The following PTH1R variants were observed in gnomAD, a reference collection of about 807,000 sequenced individuals.
The protein encoded by PTH1R is parathyroid hormone 1 receptor.
A neutral mutation model predicts 70.7 loss-of-function variants in PTH1R; 32 were observed. That is an observed-to-expected ratio of 0.45 (90% CI 0.34 to 0.61). The LOEUF (loss-of-function observed/expected upper bound fraction) is 0.61, where lower values mean the gene tolerates loss of function less well. Among genes scored for constraint, PTH1R ranks in the 20% least tolerant of loss-of-function variants. PTH1R has a pLI of 0.01. For synonymous variants in PTH1R, 329 were observed against 324.8 expected, an observed-to-expected ratio of 1.01 and a Z score of -0.14; for missense variants, 626 against 792.5, an observed-to-expected ratio of 0.79 and a Z score of 2.52.
Position 46,883,731 on chromosome 3 carries a change from A to G in PTH1R, c.75+97A>G, listed in dbSNP as rs898934109. 22 of 1,410,610 alleles carry G rather than the reference A, an allele frequency of 1.6e-5. No homozygotes were observed. Among genetic ancestry groups the G allele is most frequent in the Non-Finnish European group, 2.1e-5 (22 of 1,033,018 alleles). The allele number at this position is 1,410,610 out of a possible 1,614,324, so 87.4% of individuals were successfully genotyped here. A position where few individuals can be genotyped will look rare whatever the true frequency, so the allele number is the denominator to read the frequency against. On this transcript the variant is annotated intron_variant, in intron 3 of 15. Coordinates refer to ENST00000449590, the MANE Select transcript of PTH1R (RefSeq NM_000316.3). The surrounding 1 kb of genome is among the most constrained non-coding windows in gnomAD (Gnocchi z 6.4). ...GCACGCAGTCTTGAGTTCCCCCAGT[A>G]GTTCGAACTTTGGGTGAGAGTCCCC...
At chr3:46,899,539 G>T in intron 10 of PTH1R, 83 bp downstream of exon 10, 1 of 1,522,926 alleles carries the variant, frequency 6.6e-7, no homozygotes, top group Non-Finnish European at 8.9e-7. Flanking sequence ...GGGGGGAGGC[G>T]CCCACACAGC....
At chr3:46,895,122 A>G (rs927497201) in intron 4 of PTH1R, among the ~76,000 whole-genome samples, 1 of 150,352 alleles carries the variant, frequency 6.7e-6, no homozygotes, top group African/African-American at 2.4e-5. Flanking sequence ...CATCTCTCCA[A>G]TGAGAAGAGA....
At chr3:46,885,958 G>A (rs1316491927) in intron 3 of PTH1R, among the ~76,000 whole-genome samples, 2 of 152,212 alleles carry the variant, frequency 1.3e-5, no homozygotes, top group Non-Finnish European at 2.9e-5. Context: ...CATCTCCAGT[G>A]ACCTCACATT....
At chr3:46,880,398 A>G (rs1307258907) in intron 1 of PTH1R, 1 of 152,276 alleles carries the variant, frequency 6.6e-6, no homozygotes, top group Non-Finnish European at 1.5e-5. Flanking sequence ...TGAACACCAG[A>G]AAAAGAAATG....
At position 46,883,111 on chromosome 3, in the gene PTH1R, G is replaced by A. The variant is rs1405125726; in HGVS notation, c.-48-401G>A. Among the ~76,000 whole-genome samples, 3 of 150,872 alleles carry A rather than the reference G, an allele frequency of 2.0e-5. No individual in the cohort carries two copies. Among genetic ancestry groups the A allele is most frequent in the African/African-American group, 7.3e-5 (3 of 41,078 alleles). On this transcript the variant is annotated intron_variant, in intron 2 of 15. Transcript: ENST00000449590. This position sits in a 1 kb window ranked among gnomAD's most constrained non-coding sequence, Gnocchi z 6.4. ...CCGCCCCCTCCCCCCACTGGGCGTG[G>A]GGCGAAGCCACAGCTCCCATTTCCC...
intron 2 of PTH1R, among the ~76,000 whole-genome samples, chr3:46,881,710 G>T (rs2030579176): frequency 6.6e-6 from 1 of 151,858 alleles, no homozygotes; most frequent in Non-Finnish European, 1.5e-5. Context: ...GGCAGGGGAC[G>T]AGGCGAGGGT....
At chr3:46,881,173 A>C (rs1333563334) in intron 2 of PTH1R, 55 bp downstream of exon 2, 2 of 152,290 alleles carry the variant, frequency 1.3e-5, no homozygotes, top group Non-Finnish European at 2.9e-5. Flanking sequence ...CCAGGGCCTC[A>C]TGCATTCGCT....
At position 46,900,992 on chromosome 3, in the gene PTH1R, A is replaced by G. The variant is rs369561455; in HGVS notation, c.989-33A>G. 3.2e-6 allele frequency: 5 copies of G among 1,565,168 alleles called. No homozygotes were observed. The African/African-American group carries it at 5.4e-5, about 17-fold the overall frequency. ...GAATGACCTTGTGGACAGCAGCCAC[A>G]GTCCTGCACACTGTCCCCCTCTGTG... On this transcript the variant is annotated intron_variant, in intron 10 of 15. Coordinates refer to ENST00000449590, the MANE Select transcript of PTH1R (RefSeq NM_000316.3).
intron 9 of PTH1R, 87 bp from the exon 10 acceptor site, chr3:46,899,216 C>A (rs2031965194): frequency 1.3e-6 from 2 of 1,577,710 alleles, no homozygotes; most frequent in Non-Finnish European, 1.7e-6. Context: ...CACCACTTGT[C>A]CTCTCCTGCC....
rs1253455624 is a variant in PTH1R at position 46,903,067 on chromosome 3, G to A, written c.1396-203G>A. Reference sequence around the variant, plus strand: ...ATTGGAGGACTCAGCCACCTTTGGGGCAATTTGAGCCTTGTAGATTCTGGG... The same window carrying A: ...ATTGGAGGACTCAGCCACCTTTGGGACAATTTGAGCCTTGTAGATTCTGGG... On this transcript the variant is annotated intron_variant, in intron 15 of 15. Coordinates refer to ENST00000449590, the MANE Select transcript of PTH1R (RefSeq NM_000316.3). This position sits in a 1 kb window ranked among gnomAD's most constrained non-coding sequence, Gnocchi z 4.4. 3 of 1,104,268 alleles carry A rather than the reference G, an allele frequency of 2.7e-6. No homozygotes were observed. Among genetic ancestry groups the A allele is most frequent in the Non-Finnish European group, 4.0e-6 (3 of 755,362 alleles). 68.4% of individuals were successfully genotyped at this position (1,104,268 alleles called of 1,614,324 possible).
intron 10 of PTH1R, among the ~76,000 whole-genome samples, chr3:46,899,663 G>A (rs955717980): frequency 6.6e-6 from 1 of 152,238 alleles, no homozygotes; most frequent in African/African-American, 2.4e-5. Context: ...GTTCACCTGA[G>A]GTTAGATTCA....
Position 46,903,169 on chromosome 3 carries a change from C to T in PTH1R, c.1396-101C>T. 6.4e-7 allele frequency: 1 copy of T among 1,556,236 alleles called. No individual in the cohort carries two copies. Among genetic ancestry groups the T allele is most frequent in the East Asian group, 2.4e-5 (1 of 41,488 alleles). ...TGGCCTTGGAGTTTCCCAGGAGTCC[C>T]CTATTCCCATTTTCATTCCGTGCTG... On this transcript the variant is annotated intron_variant, in intron 15 of 15. Transcript: ENST00000449590. This position sits in a 1 kb window ranked among gnomAD's most constrained non-coding sequence, Gnocchi z 4.4.
Position 46,882,525 on chromosome 3 carries a change from C to A in PTH1R, c.-48-987C>A, listed in dbSNP as rs1486576455. ...TGGCCGGAGTCGGGGAGGAGCGACT[C>A]CGGGCCTGGCCGGAGCAGCCAGGCT... On this transcript the variant is annotated intron_variant, in intron 2 of 15. Coordinates refer to ENST00000449590, the MANE Select transcript of PTH1R (RefSeq NM_000316.3). The surrounding 1 kb of genome is among the most constrained non-coding windows in gnomAD (Gnocchi z 4.3). The A allele has an allele frequency of 6.7e-6, 1 of 150,286 alleles. No homozygotes were observed. Among genetic ancestry groups the A allele is most frequent in the Non-Finnish European group, 1.5e-5 (1 of 67,496 alleles). The allele number at this position is 150,286 out of a possible 1,614,324, so 9.3% of individuals were successfully genotyped here.
At chr3:46,898,953 T>A in intron 9 of PTH1R, 96 bp downstream of exon 9, 1 of 904,328 alleles carries the variant, frequency 1.1e-6, no homozygotes, top group Non-Finnish European at 1.6e-6. Context: ...CCTGCCCGCC[T>A]CCTGCCAGCG....
chr3:46,884,067 C>T lies in PTH1R; in HGVS notation c.75+433C>T, dbSNP rs1206783302. 2.0e-5 allele frequency among the ~76,000 whole-genome samples: 3 copies of T among 152,202 alleles called. No homozygotes were observed. The highest frequency in any genetic ancestry group is 7.2e-5 in the African/African-American group (3 of 41,446). On this transcript the variant is annotated intron_variant, in intron 3 of 15. Transcript: ENST00000449590. This position sits in a 1 kb window ranked among gnomAD's most constrained non-coding sequence, Gnocchi z 4.8. ...GGGAATGTAGGTCTGAGGTCAGAAT[C>T]ATCCAGGCAGGGGGTAGGATTTAGG...
At chr3:46,885,422 C>T (rs1485434854) in intron 3 of PTH1R, among the ~76,000 whole-genome samples, 3 of 152,192 alleles carry the variant, frequency 2.0e-5, no homozygotes, top group South Asian at 2.1e-4. Flanking sequence ...CTAATCCTCC[C>T]AACCACCCTC....
intron 9 of PTH1R, 134 bp downstream of exon 9, chr3:46,898,991 C>A: frequency 1.3e-6 from 1 of 742,690 alleles, no homozygotes; most frequent in South Asian, 1.9e-5. Context: ...TCAAACCCGT[C>A]TTATAGGGTC....
chr3:46,899,525 C>G, intron 10 of PTH1R, 69 bp downstream of exon 10: 2 of 1,563,228 alleles, frequency 1.3e-6, no homozygotes, highest in Non-Finnish European at 1.7e-6. Context: ...AGAGGGCAGC[C>G]CCTGGGGGGA....
chr3:46,888,056 G>A (rs6442037), intron 3 of PTH1R, among the ~76,000 whole-genome samples: 109,820 of 152,106 alleles, frequency 0.72, 40,318 homozygotes, highest in African/African-American at 0.85. Context: ...GTGCTGCTTT[G>A]TACTTATACA....
Sources: allele counts gnomAD v4.1 joint callset (sites outside exome capture counted in the v4.1 genomes callset), GRCh38; gene constraint gnomAD v4.1.1; non-coding constraint Gnocchi (gnomAD v3.1); transcripts MANE v1.5; gene names NCBI Gene and HGNC (gene_info 2026-07-23, HGNC 2026-07-21).